The following PPP1R12B variants were observed in gnomAD, a reference collection of about 807,000 sequenced individuals.
The protein encoded by PPP1R12B is myosin phosphatase target subunit 2.
A neutral mutation model predicts 126.1 loss-of-function variants in PPP1R12B; 76 were observed. The ratio of observed to expected loss-of-function variants is 0.60; its 90% CI spans 0.50 to 0.73. The LOEUF is 0.73. PPP1R12B is among the 30% of genes least tolerant of loss of function. The pLI is 0.00. For missense variants in PPP1R12B, 1,052 were observed against 1,205.1 expected, an observed-to-expected ratio of 0.87 and a Z score of 1.88; for synonymous variants, 356 against 434.7, an observed-to-expected ratio of 0.82 and a Z score of 2.25.
intron 21 of PPP1R12B, chr1:202,567,569 C>G: frequency 1.8e-6 from 1 of 561,542 alleles, no homozygotes; most frequent in Non-Finnish European, 3.2e-6. Flanking sequence ...CTTCCCCTCC[C>G]CAGAGGGAAT....
intron 18 of PPP1R12B, among the ~76,000 whole-genome samples, chr1:202,510,309 AT>A (rs1461907566): frequency 2.0e-5 from 3 of 152,328 alleles, no homozygotes; most frequent in African/African-American, 7.2e-5. Context: ...GTCAGTAGCA[AT>A]CACTGGGGTT....
rs555297598 is a variant in PPP1R12B, at chr1:202,509,996, TAAAC to T, written c.2490+13178_2490+13181del. ...ATGGCATAATTAATTTTGTGCCAAATAAACAAAATCAGATCCTTTCTTGAGAATA... is the reference window on the plus strand; with the variant it reads ...ATGGCATAATTAATTTTGTGCCAAATAAAATCAGATCCTTTCTTGAGAATA... On this transcript the variant is annotated intron_variant, in intron 18 of 23. Transcript: ENST00000608999. Among the ~76,000 whole-genome samples the T allele has an allele frequency of 8.2e-4, 125 of 152,276 alleles. 1 individual carries two copies. The highest frequency in any genetic ancestry group is 1.5e-3 in the Non-Finnish European group (100 of 68,014).
intron 13 of PPP1R12B, among the ~76,000 whole-genome samples, chr1:202,487,633 A>C (rs1678334476): frequency 6.8e-6 from 1 of 148,118 alleles, no homozygotes; most frequent in African/African-American, 2.5e-5. Flanking sequence ...TTGGAGACCT[A>C]GTTTCACTCT....
At chr1:202,372,765 T>A (rs1660507447) in intron 1 of PPP1R12B, among the ~76,000 whole-genome samples, 1 of 151,856 alleles carries the variant, frequency 6.6e-6, no homozygotes, top group African/African-American at 2.4e-5. Flanking sequence ...AGAGTGAGAC[T>A]CTGTCTCAAA....
At chr1:202,358,574 C>G (rs1017991717) in intron 1 of PPP1R12B, among the ~76,000 whole-genome samples, 18 of 151,486 alleles carry the variant, frequency 1.2e-4, no homozygotes, top group African/African-American at 4.1e-4. Flanking sequence ...CCCAGCTACT[C>G]GGGAGACTGA....
chr1:202,578,382 A>G (rs1689284042), intron 23 of PPP1R12B, among the ~76,000 whole-genome samples: 1 of 152,200 alleles, frequency 6.6e-6, no homozygotes, highest in Admixed American at 6.5e-5. Context: ...CAGCCCCAGC[A>G]TGGGGCGTTA....
At chr1:202,422,045 A>G (rs1405260235) in intron 2 of PPP1R12B, among the ~76,000 whole-genome samples, 1 of 152,240 alleles carries the variant, frequency 6.6e-6, no homozygotes, top group African/African-American at 2.4e-5. Flanking sequence ...TATGTAAGGT[A>G]TTGAATTATC....
chr1:202,510,679 A>T (rs1293663982), intron 18 of PPP1R12B, among the ~76,000 whole-genome samples: 1 of 152,050 alleles, frequency 6.6e-6, no homozygotes, highest in East Asian at 1.9e-4. Context: ...CTCATGCAGC[A>T]TGTGTTTATT....
rs1280931575 is a variant in PPP1R12B at position 202,585,329 on chromosome 1, CT to C, written c.*4771del. On this transcript the variant is annotated 3_prime_UTR_variant, in exon 24 of 24. Coordinates refer to ENST00000608999, the MANE Select transcript of PPP1R12B (RefSeq NM_002481.4). Reference sequence around the variant, plus strand: ...CTGATTTTCAAGGCAGGGTCTAACCCTTCATAAGATGTGAGTTCTTCCAACC... The same window carrying C: ...CTGATTTTCAAGGCAGGGTCTAACCCTCATAAGATGTGAGTTCTTCCAACC... The C allele has an allele frequency of 6.6e-6, 1 of 152,226 alleles. No individual in the cohort carries two copies. Among genetic ancestry groups the C allele is most frequent in the Non-Finnish European group, 1.5e-5 (1 of 68,052 alleles). 9.4% of individuals were successfully genotyped at this position (152,226 alleles called of 1,614,324 possible).
chr1:202,418,512 G>A (rs1193511029), intron 2 of PPP1R12B, among the ~76,000 whole-genome samples: 4 of 151,248 alleles, frequency 2.6e-5, no homozygotes, highest in Non-Finnish European at 5.9e-5. Flanking sequence ...TCGTCTTTAT[G>A]AACAAATATA....
At chr1:202,494,074 CT>C (rs1471131119) in intron 15 of PPP1R12B, among the ~76,000 whole-genome samples, 3 of 152,222 alleles carry the variant, frequency 2.0e-5, no homozygotes. Flanking sequence ...CTCCTTTGCA[CT>C]CTCAAAAGTG....
At chr1:202,548,752 C>A (rs1307356508) in intron 18 of PPP1R12B, among the ~76,000 whole-genome samples, 1 of 149,160 alleles carries the variant, frequency 6.7e-6, no homozygotes, top group Non-Finnish European at 1.5e-5. Context: ...GAGCCATGAT[C>A]ATGCGCTCGC....
At chr1:202,353,629 T>TGTGTGTGTGA (rs540599307) in intron 1 of PPP1R12B, among the ~76,000 whole-genome samples, 2,144 of 138,002 alleles carry the variant, frequency 0.016, 25 homozygotes, top group East Asian at 0.024. Context: ...TGTGTGTGTG[T>TGTGTGTGTGA]GACAGGGTCT....
In PPP1R12B at chr1:202,380,208, C is replaced by T. The variant is rs763598843; in HGVS notation, c.291+31066C>T. 8.3e-4 allele frequency among the ~76,000 whole-genome samples: 126 copies of T among 152,240 alleles called. 1 individual carries two copies. Among genetic ancestry groups the T allele is most frequent in the Admixed American group, 1.8e-3 (28 of 15,284 alleles). On this transcript the variant is annotated intron_variant, in intron 1 of 23. Coordinates refer to ENST00000608999, the MANE Select transcript of PPP1R12B (RefSeq NM_002481.4). ...TCAAGGCTTGGCTCAGGTGTCACCT[C>T]CTCTGTGAAGTTCTACCCTGTCAGG...
At chr1:202,359,507 C>T (rs942957738) in intron 1 of PPP1R12B, among the ~76,000 whole-genome samples, 4 of 151,884 alleles carry the variant, frequency 2.6e-5, no homozygotes, top group African/African-American at 4.8e-5. Flanking sequence ...ATCAGCTGGG[C>T]GTGGTGGCTC....
intron 18 of PPP1R12B, among the ~76,000 whole-genome samples, chr1:202,556,806 A>G (rs1412942489): frequency 1.3e-5 from 2 of 152,186 alleles, no homozygotes; most frequent in Admixed American, 6.5e-5. Flanking sequence ...GTTAAATACA[A>G]TAGATGCTTT....
At chr1:202,369,195 T>A (rs2148441183) in intron 1 of PPP1R12B, among the ~76,000 whole-genome samples, 1 of 152,352 alleles carries the variant, frequency 6.6e-6, no homozygotes, top group South Asian at 2.1e-4. Context: ...AGTATTTAAA[T>A]ATATTCATAT....
At chr1:202,415,524 A>G (rs1430900981) in intron 1 of PPP1R12B, among the ~76,000 whole-genome samples, 4 of 152,228 alleles carry the variant, frequency 2.6e-5, no homozygotes, top group East Asian at 1.9e-4. Flanking sequence ...AATTATCCCA[A>G]TGGTTTTGTA....
chr1:202,438,839 C>A, intron 10 of PPP1R12B: 1 of 1,001,008 alleles, frequency 1.0e-6, no homozygotes, highest in Non-Finnish European at 1.6e-6. Flanking sequence ...GGGAGACGGC[C>A]ATGGTCACTG....
Sources: allele counts gnomAD v4.1 joint callset (sites outside exome capture counted in the v4.1 genomes callset), GRCh38; gene constraint gnomAD v4.1.1; transcripts MANE v1.5; gene names NCBI Gene and HGNC (gene_info 2026-07-23, HGNC 2026-07-21).